Variants in SPAG16 observed in about 807,000 individuals in gnomAD.
SPAG16 encodes the protein sperm-associated antigen 16 protein.
A neutral mutation model predicts 80.4 loss-of-function variants in SPAG16; 86 were observed. The ratio of observed to expected loss-of-function variants is 1.07; its 90% confidence interval spans 0.90 to 1.28. SPAG16 has a LOEUF of 1.28. Among genes scored for constraint, SPAG16 ranks in the 50% most tolerant of loss-of-function variants. SPAG16 has a pLI of 0.00. For missense variants in SPAG16, 870 were observed against 765.3 expected (o/e 1.14, Z -1.61); for synonymous variants, 294 against 265.9 (o/e 1.11, Z -1.03).
At chr2:213,811,874 T>G (rs2072178210) in intron 10 of SPAG16, among the ~76,000 whole-genome samples, 1 of 152,094 alleles carries the variant, frequency 6.6e-6, no homozygotes, top group South Asian at 2.1e-4. Flanking sequence ...TCCTGGAAAC[T>G]GCACCAAGGT....
intron 13 of SPAG16, among the ~76,000 whole-genome samples, chr2:214,046,467 T>C (rs1223546137): frequency 6.6e-6 from 1 of 152,116 alleles, no homozygotes; most frequent in Non-Finnish European, 1.5e-5. Context: ...TATTAGCAAA[T>C]TGAATTAAAC....
At chr2:213,983,124 T>G (rs1001332688) in intron 12 of SPAG16, among the ~76,000 whole-genome samples, 1 of 151,936 alleles carries the variant, frequency 6.6e-6, no homozygotes, top group Non-Finnish European at 1.5e-5. Context: ...TTAAAAAATT[T>G]TAATAAAGGG....
At chr2:213,937,658 T>TC (rs997752744) in intron 12 of SPAG16, among the ~76,000 whole-genome samples, 8 of 150,478 alleles carry the variant, frequency 5.3e-5, no homozygotes, top group African/African-American at 1.9e-4. Context: ...TATTTTCCTT[T>TC]CCCCCCCAAA....
rs930291948 is a variant in SPAG16, at chr2:213,817,816, G to A, written c.1071-44669G>A. Among the ~76,000 whole-genome samples, 9 of 152,068 alleles carry A rather than the reference G, an allele frequency of 5.9e-5. No individual in the cohort carries two copies. In the South Asian group the frequency reaches 1.9e-3, roughly 32 times the overall value. On this transcript the variant is annotated intron_variant, in intron 10 of 15. Transcript: ENST00000331683. The stretch of plus-strand genomic sequence containing the variant: ...GGCAACAATAGACTGGGAACTACTA[G>A]AGATGGGAAAGAGGGAGGTGGGTAA...
intron 12 of SPAG16, among the ~76,000 whole-genome samples, chr2:214,001,039 T>C (rs1158858995): frequency 2.0e-5 from 3 of 152,160 alleles, no homozygotes; most frequent in Non-Finnish European, 2.9e-5. Flanking sequence ...GAGGTAGATA[T>C]GGAAAGGAAA....
chr2:213,887,548 T>A (rs2042788), intron 11 of SPAG16, among the ~76,000 whole-genome samples: 89,516 of 150,964 alleles, frequency 0.59, 28,376 homozygotes, highest in South Asian at 0.85. Flanking sequence ...AACTACTAAA[T>A]GTTTTCATAA....
At chr2:213,364,169 T>G in intron 8 of SPAG16, 24 bp downstream of exon 8, 1 of 1,397,396 alleles carries the variant, frequency 7.2e-7, no homozygotes, top group Non-Finnish European at 9.6e-7. Flanking sequence ...GTGATGAAGC[T>G]CTCATTTAAT....
intron 10 of SPAG16, among the ~76,000 whole-genome samples, chr2:213,812,732 C>A (rs2072250453): frequency 6.6e-6 from 1 of 152,054 alleles, no homozygotes; most frequent in Non-Finnish European, 1.5e-5. Flanking sequence ...TTCATTCATA[C>A]AACAAATATT....
intron 7 of SPAG16, among the ~76,000 whole-genome samples, chr2:213,356,084 T>C (rs2065634240): frequency 6.6e-6 from 1 of 152,208 alleles, no homozygotes; most frequent in Non-Finnish European, 1.5e-5. Context: ...CATGAAGTGA[T>C]GTTGAATTTT....
intron 10 of SPAG16, among the ~76,000 whole-genome samples, chr2:213,518,175 G>A (rs908083989): frequency 6.6e-6 from 1 of 152,140 alleles, no homozygotes; most frequent in Non-Finnish European, 1.5e-5. Context: ...ACATACAAGT[G>A]GCCAACAGAC....
intron 15 of SPAG16, among the ~76,000 whole-genome samples, chr2:214,372,312 G>A (rs773269745): frequency 6.6e-6 from 1 of 152,164 alleles, no homozygotes; most frequent in Non-Finnish European, 1.5e-5. Context: ...GGGACAAATA[G>A]TGATTTCAAC....
intron 12 of SPAG16, among the ~76,000 whole-genome samples, chr2:213,936,872 A>G (rs1048600805): frequency 4.6e-5 from 7 of 152,214 alleles, no homozygotes; most frequent in East Asian, 3.9e-4. Flanking sequence ...CTTCCTTTTT[A>G]TTTTAATAAT....
At chr2:214,311,142 C>A (rs1292719004) in intron 15 of SPAG16, among the ~76,000 whole-genome samples, 7 of 111,342 alleles carry the variant, frequency 6.3e-5, no homozygotes, top group African/African-American at 3.2e-4. Context: ...GAGATCAGCA[C>A]TGTTACCTGC....
intron 9 of SPAG16, among the ~76,000 whole-genome samples, chr2:213,406,351 T>A (rs1445662221): frequency 2.0e-5 from 3 of 152,170 alleles, no homozygotes; most frequent in Non-Finnish European, 2.9e-5. Flanking sequence ...ACACGCCAGA[T>A]CAAATGGATT....
intron 10 of SPAG16, among the ~76,000 whole-genome samples, chr2:213,596,697 G>A (rs895194300): frequency 6.6e-6 from 1 of 152,120 alleles, no homozygotes; most frequent in African/African-American, 2.4e-5. Flanking sequence ...GGAAGGTAAG[G>A]AAAAGATTGT....
intron 13 of SPAG16, among the ~76,000 whole-genome samples, chr2:214,055,861 G>C (rs1362828621): frequency 1.3e-5 from 2 of 152,080 alleles, no homozygotes; most frequent in Non-Finnish European, 2.9e-5. Context: ...AGAAATTGAA[G>C]GGAAATAACC....
chr2:214,319,089 C>A (rs1053561785), intron 15 of SPAG16, among the ~76,000 whole-genome samples: 4 of 152,014 alleles, frequency 2.6e-5, no homozygotes, highest in Non-Finnish European at 5.9e-5. Context: ...TGAGAACCCC[C>A]TTCTCCTTCT....
chr2:213,727,451 T>C (rs916557633), intron 10 of SPAG16, among the ~76,000 whole-genome samples: 4 of 151,768 alleles, frequency 2.6e-5, no homozygotes, highest in African/African-American at 9.7e-5. Context: ...AATAAGGTGG[T>C]CAAGAAAAAA....
intron 10 of SPAG16, among the ~76,000 whole-genome samples, chr2:213,764,595 A>G (rs2068834823): frequency 6.6e-6 from 1 of 152,172 alleles, no homozygotes; most frequent in African/African-American, 2.4e-5. Context: ...TTATATAGCT[A>G]AATTGTTTCA....
Sources: gnomAD v4.1 joint callset for allele counts (sites outside exome capture counted in the v4.1 genomes callset) on GRCh38, gnomAD v4.1.1 for gene constraint, MANE v1.5 for transcripts, NCBI Gene and HGNC (gene_info 2026-07-23, HGNC 2026-07-21) for gene names.